Variants in FREM3 observed in about 807,000 individuals in gnomAD.
FREM3 encodes FRAS1 related extracellular matrix 3.
In FREM3, 105 loss-of-function variants were observed where a neutral mutation model predicts 129.1. That is an observed-to-expected ratio of 0.81 (90% confidence interval 0.69 to 0.96). FREM3 has a LOEUF of 0.96. Among genes scored for constraint, FREM3 ranks in the 40% least tolerant of loss-of-function variants. The pLI is 0.00. For synonymous variants in FREM3, 1,014 were observed against 1,044.9 expected, an observed-to-expected ratio of 0.97 and a Z score of 0.57; for missense variants, 2,593 against 2,666.3, an observed-to-expected ratio of 0.97 and a Z score of 0.61.
chr4:143,597,983 G>T (rs1401049407), intron 6 of FREM3, among the ~76,000 whole-genome samples: 12 of 152,164 alleles, frequency 7.9e-5, no homozygotes, highest in Admixed American at 6.6e-4. Flanking sequence ...TTGCCTTCTT[G>T]CTATACACTT....
intron 2 of FREM3, among the ~76,000 whole-genome samples, chr4:143,670,159 C>A (rs1560865673): frequency 6.6e-6 from 1 of 152,106 alleles, no homozygotes; most frequent in African/African-American, 2.4e-5. Context: ...TATCTATCTC[C>A]TGAGGAGATT....
chr4:143,696,368 C>T lies in FREM3; in HGVS notation c.4308G>A (p.Leu1436=), dbSNP rs965499566. ...FPEVISKRIT[L]IEGARVTLTN... ...TAAGGGTCACTCTGGCACCTTCTATCAAGGTGATCCTTTTGCTGATTACCT... is the reference window on the plus strand; with the variant it reads ...TAAGGGTCACTCTGGCACCTTCTATTAAGGTGATCCTTTTGCTGATTACCT... The change falls in exon 1 of 8, where the codon TTG becomes TTA. Residue 1436 remains leucine, a synonymous_variant. Coordinates refer to ENST00000329798, the MANE Select transcript of FREM3 (RefSeq NM_001168235.2). The T allele has an allele frequency of 3.9e-6, 6 of 1,537,204 alleles. No homozygotes were observed. In the African/African-American group the frequency reaches 8.2e-5, roughly 21 times the overall value.
intron 2 of FREM3, among the ~76,000 whole-genome samples, chr4:143,640,346 A>G (rs927513560): frequency 1.2e-4 from 19 of 152,336 alleles, no homozygotes; most frequent in Middle Eastern, 3.4e-3. Context: ...AAATGACCTA[A>G]ATGTAGACTC....
rs772914990 is a variant in FREM3 at position 143,696,282 on chromosome 4, G to A, written c.4394C>T (p.Thr1465Ile). The A allele has an allele frequency of 7.2e-6, 11 of 1,537,546 alleles. No homozygotes were observed. In the South Asian group the frequency reaches 1.1e-4, roughly 15 times the overall value. The change falls in exon 1 of 8, where the codon ACA becomes ATA. Residue 1465 changes from threonine (T) to isoleucine (I), a missense_variant. This residue lies in a region of FREM3 where 2,276 missense variants were observed against 2,267.2 expected (regional missense o/e 1.00). Coordinates refer to ENST00000329798, the MANE Select transcript of FREM3 (RefSeq NM_001168235.2). ...TAAGTGACCCAGGCTTGGAGCCCGT[G>A]TAATGCTAAAGTGATGTTCATCAGA... ...NSSDEHHFSI[T>I]RAPSLGHLES...
At chr4:143,665,202 A>G (rs934887194) in intron 2 of FREM3, among the ~76,000 whole-genome samples, 7 of 152,042 alleles carry the variant, frequency 4.6e-5, no homozygotes, top group Non-Finnish European at 1.0e-4. Context: ...GGAGCTGTAG[A>G]CTGGAGCTGT....
intron 6 of FREM3, among the ~76,000 whole-genome samples, chr4:143,590,372 G>T (rs1266041848): frequency 1.3e-5 from 2 of 152,140 alleles, no homozygotes; most frequent in Non-Finnish European, 2.9e-5. Flanking sequence ...TTGGCTGTGG[G>T]TTTGTCATAG....
At position 143,695,721 on chromosome 4, in the gene FREM3, A is replaced by G; in HGVS notation, c.4955T>C (p.Ile1652Thr). The change falls in exon 1 of 8, where the codon ATA becomes ACA. Residue 1652 changes from isoleucine (I) to threonine (T), a missense_variant. Physicochemically the swap from Ile to Thr is moderately conservative, Grantham distance 89. Coordinates refer to ENST00000329798, the MANE Select transcript of FREM3 (RefSeq NM_001168235.2). Reference sequence around the variant, plus strand: ...GGGAAGCCTATTGTCTAATGATCTTATCTGGACCCTCATTACTTGAGGTTT... The same window carrying G: ...GGGAAGCCTATTGTCTAATGATCTTGTCTGGACCCTCATTACTTGAGGTTT... Reference protein sequence around the residue: ...THKPQVMRVQIRSLDNRLPQI... With the variant: ...THKPQVMRVQTRSLDNRLPQI... 1 of 1,537,206 alleles carries G rather than the reference A, an allele frequency of 6.5e-7. No individual in the cohort carries two copies.
In FREM3 at chr4:143,700,100, C is replaced by T. The variant is rs1340694296; in HGVS notation, c.576G>A (p.Val192=). 1 of 1,536,668 alleles carries T rather than the reference C, an allele frequency of 6.5e-7. No individual in the cohort carries two copies. Among genetic ancestry groups the T allele is most frequent in the Non-Finnish European group, 8.7e-7 (1 of 1,146,604 alleles). ...RSWSRAIDRR[V]LDFASLKSGA... Reference sequence around the variant, plus strand: ...CAGACTTCAGGGAGGCGAAGTCCAGCACTCTCCTGTCTATGGCGCGGCTCC... The same window carrying T: ...CAGACTTCAGGGAGGCGAAGTCCAGTACTCTCCTGTCTATGGCGCGGCTCC... Residue 192 remains valine, a synonymous_variant, in exon 1 of 8, where the codon GTG becomes GTA. Transcript: ENST00000329798.
rs1740580801 is a variant in FREM3 at position 143,696,888 on chromosome 4, G to A, written c.3788C>T (p.Ala1263Val). The change falls in exon 1 of 8, where the codon GCC becomes GTC. Residue 1263 changes from alanine to valine, a missense_variant. Around this residue, in one of 2 missense-constraint regions of FREM3, gnomAD observed 2,276 missense variants for 2,267.2 expected, o/e 1.00. Coordinates refer to ENST00000329798, the MANE Select transcript of FREM3 (RefSeq NM_001168235.2). ...HSFTLKEIQE[A>V]STIVYEHDDS... The stretch of plus-strand genomic sequence containing the variant: ...ATCATGCTCATACACAATGGTGGAG[G>A]CCTCCTGGATCTCCTTGAGGGTGAA... 7 of 1,537,644 alleles carry A rather than the reference G, an allele frequency of 4.6e-6. No homozygotes were observed. In the South Asian group the frequency reaches 8.3e-5, roughly 18 times the overall value.
At chr4:143,592,175 G>A (rs1040510394) in intron 6 of FREM3, among the ~76,000 whole-genome samples, 3 of 151,858 alleles carry the variant, frequency 2.0e-5, no homozygotes, top group Non-Finnish European at 4.4e-5. Flanking sequence ...GCACACTGGT[G>A]GGTCTTGACG....
At chr4:143,615,227 A>C (rs1048289224) in intron 5 of FREM3, among the ~76,000 whole-genome samples, 1 of 152,358 alleles carries the variant, frequency 6.6e-6, no homozygotes, top group African/African-American at 2.4e-5. Context: ...ATGATATCCA[A>C]GGAGTCAAAG....
intron 6 of FREM3, among the ~76,000 whole-genome samples, chr4:143,593,705 C>G (rs1218870274): frequency 6.6e-6 from 1 of 152,238 alleles, no homozygotes; most frequent in Non-Finnish European, 1.5e-5. Context: ...AGGAGGCAGT[C>G]TGCCCGTTCT....
chr4:143,691,225 G>T (rs1424050786), intron 2 of FREM3, among the ~76,000 whole-genome samples: 2 of 151,970 alleles, frequency 1.3e-5, no homozygotes, highest in African/African-American at 4.8e-5. Context: ...AATTCTCAAG[G>T]TGCTTCTTTA....
At chr4:143,605,042 C>T (rs1056856565) in intron 6 of FREM3, among the ~76,000 whole-genome samples, 1 of 152,068 alleles carries the variant, frequency 6.6e-6, no homozygotes, top group African/African-American at 2.4e-5. Context: ...TAGTCCTGTA[C>T]TAAGCAAGTG....
intron 6 of FREM3, among the ~76,000 whole-genome samples, chr4:143,588,545 C>T (rs985143394): frequency 1.3e-5 from 2 of 152,120 alleles, no homozygotes; most frequent in Non-Finnish European, 2.9e-5. Flanking sequence ...TTTCCAGCTT[C>T]ATCGATGTCC....
intron 2 of FREM3, among the ~76,000 whole-genome samples, chr4:143,670,891 G>GA (rs1739953328): frequency 1.3e-5 from 2 of 151,894 alleles, no homozygotes; most frequent in Admixed American, 1.3e-4. Context: ...AAATTATAAT[G>GA]AAAAAATAAG....
chr4:143,676,781 T>A (rs889869078), intron 2 of FREM3, among the ~76,000 whole-genome samples: 1 of 152,148 alleles, frequency 6.6e-6, no homozygotes, highest in African/African-American at 2.4e-5. Context: ...ATGAGTGAAC[T>A]CCTATTCACA....
At chr4:143,658,240 A>T (rs1415710085) in intron 2 of FREM3, among the ~76,000 whole-genome samples, 1 of 152,148 alleles carries the variant, frequency 6.6e-6, no homozygotes, top group Non-Finnish European at 1.5e-5. Flanking sequence ...GGCCTTTGGG[A>T]GGTGACTTGG....
intron 5 of FREM3, among the ~76,000 whole-genome samples, chr4:143,616,550 G>T (rs1486267437): frequency 6.6e-6 from 1 of 152,154 alleles, no homozygotes; most frequent in Non-Finnish European, 1.5e-5. Context: ...ACTTTGGGAG[G>T]CCGAGGCGGA....
Sources: gnomAD v4.1 joint callset for allele counts (sites outside exome capture counted in the v4.1 genomes callset) on GRCh38, gnomAD v4.1.1 for gene constraint, gnomAD v4.1.1 regional missense constraint, MANE v1.5 for transcripts, NCBI Gene and HGNC (gene_info 2026-07-23, HGNC 2026-07-21) for gene names.